NCOA3: variants seen among roughly 807,000 people sequenced by gnomAD.
NCOA3 encodes the protein CBP-interacting protein.
Under a neutral mutation model 158.8 loss-of-function variants are expected in NCOA3, and 51 were observed. That is an observed-to-expected ratio of 0.32 (90% CI 0.26 to 0.41). The LOEUF (loss-of-function observed/expected upper bound fraction) is 0.41. Among genes scored for constraint, NCOA3 ranks in the 10% least tolerant of loss-of-function variants. The pLI is 1.00. For missense variants in NCOA3, 1,510 were observed against 1,746.6 expected (o/e 0.86, Z 2.41); for synonymous variants, 537 against 592.4 (o/e 0.91, Z 1.36).
At position 47,639,206 on chromosome 20, in the gene NCOA3, C is replaced by G. The variant is rs4810648; in HGVS notation, c.2707+4C>G. 25 of 1,604,720 alleles carry G rather than the reference C, an allele frequency of 1.6e-5. No homozygotes were observed. The Middle Eastern group carries it at 6.6e-4, about 42-fold the overall frequency. On this transcript the variant is annotated splice_donor_region_variant and intron_variant, in intron 14 of 22. Coordinates refer to ENST00000371998, the MANE Select transcript of NCOA3 (RefSeq NM_181659.3). Reference sequence around the variant, plus strand: ...GAAAATTATGGCTCAAGTATGGGTACGTTATTTCTAATTAGTATGTATGAT... The same window carrying G: ...GAAAATTATGGCTCAAGTATGGGTAGGTTATTTCTAATTAGTATGTATGAT...
chr20:47,588,065 G>A (rs1168321487), intron 2 of NCOA3, among the ~76,000 whole-genome samples: 1 of 148,262 alleles, frequency 6.7e-6, no homozygotes, highest in African/African-American at 2.5e-5. Flanking sequence ...TTTTACCCAA[G>A]ACCGAGAGTA....
intron 1 of NCOA3, among the ~76,000 whole-genome samples, chr20:47,538,569 C>T (rs1346915380): frequency 6.6e-6 from 1 of 150,894 alleles, no homozygotes; most frequent in Non-Finnish European, 1.5e-5. Flanking sequence ...TTTCTTGAGA[C>T]ACCTGTCACC....
At chr20:47,629,459 A>G (rs1210840459) in intron 8 of NCOA3, among the ~76,000 whole-genome samples, 1 of 151,848 alleles carries the variant, frequency 6.6e-6, no homozygotes, top group Non-Finnish European at 1.5e-5. Flanking sequence ...CCTCCCGAGT[A>G]GCTGAAATTA....
At chr20:47,580,467 A>C (rs1408866753) in intron 1 of NCOA3, among the ~76,000 whole-genome samples, 1 of 151,614 alleles carries the variant, frequency 6.6e-6, no homozygotes, top group Admixed American at 6.6e-5. Context: ...GAGGCAGGAG[A>C]ATCGCTTTAA....
intron 17 of NCOA3, among the ~76,000 whole-genome samples, chr20:47,644,286 C>T (rs1488038182): frequency 2.0e-5 from 3 of 151,864 alleles, no homozygotes; most frequent in Non-Finnish European, 2.9e-5. Flanking sequence ...ACTACAGGTG[C>T]CCGCCACCAC....
chr20:47,636,078 T>G lies in NCOA3; in HGVS notation c.1692T>G (p.Asn564Lys). 6.2e-7 allele frequency: 1 copy of G among 1,614,106 alleles called. No homozygotes were observed. The highest frequency in any genetic ancestry group is 1.3e-5 in the African/African-American group (1 of 75,024). ...MNITQPSKVS[N>K]QDSKSPLGFY... The stretch of plus-strand genomic sequence containing the variant: ...TTACCCAACCAAGTAAAGTAAGCAA[T>G]CAGGATTCCAAGAGTCCTCTGGGCT... The change falls in exon 12 of 23, where the codon AAT becomes AAG. Residue 564 changes from asparagine to lysine, a missense_variant. Asn to Lys is a moderately conservative substitution (Grantham distance 94). This residue lies in a region of NCOA3 where 1,017 missense variants were observed against 1,098.3 expected (regional missense o/e 0.93). Transcript: ENST00000371998.
chr20:47,642,428 G>A, intron 17 of NCOA3, 44 bp downstream of exon 17: 2 of 1,426,878 alleles, frequency 1.4e-6, no homozygotes, highest in Middle Eastern at 2.0e-4. Flanking sequence ...ATATTTGTGT[G>A]TGTGCGCGCG....
chr20:47,598,247 A>C lies in NCOA3; in HGVS notation c.-20+14986A>C, dbSNP rs1255026774. On this transcript the variant is annotated intron_variant, in intron 2 of 22. Transcript: ENST00000371998. ...GGGCGATAGGGCGAGACTCTGTCTC[A>C]AAAAAAAAAAAAAAAAAAAGAACCT... 3.2e-4 allele frequency among the ~76,000 whole-genome samples: 15 copies of C among 47,262 alleles called. No homozygotes were observed. The East Asian group carries it at 6.6e-3, about 21-fold the overall frequency. The allele number at this position is 47,262 out of a possible 152,430, so 31.0% of individuals were successfully genotyped here. A position where few individuals can be genotyped will look rare whatever the true frequency, so the allele number is the denominator to read the frequency against.
At chr20:47,511,410 ATT>A (rs35591258) in intron 1 of NCOA3, among the ~76,000 whole-genome samples, 54 of 86,382 alleles carry the variant, frequency 6.3e-4, no homozygotes, top group South Asian at 2.6e-3. Context: ...ACCATGCCTA[ATT>A]TTTTTTTTTT....
At chr20:47,593,406 G>A (rs1241811314) in intron 2 of NCOA3, among the ~76,000 whole-genome samples, 4 of 135,590 alleles carry the variant, frequency 3.0e-5, no homozygotes, top group African/African-American at 5.7e-5. Context: ...GCAGTGGTGC[G>A]TCGCGGCTCA....
intron 2 of NCOA3, among the ~76,000 whole-genome samples, chr20:47,616,413 G>A (rs1165810514): frequency 3.3e-5 from 5 of 151,690 alleles, no homozygotes; most frequent in African/African-American, 2.4e-5. Context: ...GGCTGGTCTC[G>A]AACTCCTGAC....
At chr20:47,549,849 C>A (rs151153523) in intron 1 of NCOA3, among the ~76,000 whole-genome samples, 2 of 152,016 alleles carry the variant, frequency 1.3e-5, no homozygotes, top group African/African-American at 4.8e-5. Flanking sequence ...TACAGGCGCA[C>A]GCCACCACCA....
chr20:47,639,475 G>A (rs1568747975), intron 14 of NCOA3, 102 bp from the exon 15 acceptor site: 2 of 1,459,140 alleles, frequency 1.4e-6, no homozygotes, highest in Non-Finnish European at 1.9e-6. Context: ...ACAAAGTGCT[G>A]TTTTGTCAAG....
intron 1 of NCOA3, among the ~76,000 whole-genome samples, chr20:47,572,652 T>G (rs2085312623): frequency 6.6e-6 from 1 of 152,076 alleles, no homozygotes; most frequent in African/African-American, 2.4e-5. Flanking sequence ...TTCTCCTGCC[T>G]TAGCCCACCA....
At chr20:47,517,211 G>A (rs1366500718) in intron 1 of NCOA3, among the ~76,000 whole-genome samples, 2 of 152,008 alleles carry the variant, frequency 1.3e-5, no homozygotes, top group African/African-American at 2.4e-5. Flanking sequence ...GCGAGACTCC[G>A]TCTCCTCCCC....
At chr20:47,518,137 A>G (rs575353459) in intron 1 of NCOA3, among the ~76,000 whole-genome samples, 1 of 152,112 alleles carries the variant, frequency 6.6e-6, no homozygotes, top group Admixed American at 6.5e-5. Flanking sequence ...GCTTGAGTCC[A>G]GGAGTTCATT....
chr20:47,640,190 G>C lies in NCOA3; in HGVS notation c.3080+139G>C, dbSNP rs1241157691. The C allele has an allele frequency of 2.8e-6, 3 of 1,076,408 alleles. No homozygotes were observed. The African/African-American group carries it at 4.7e-5, about 17-fold the overall frequency. The allele number at this position is 1,076,408 out of a possible 1,614,324, so 66.7% of individuals were successfully genotyped here. ...CTGGGTTGCCAGCTGGGCATTTCTCGTGTAACTCTGTGTAAAAATGAGGCT... is the reference window on the plus strand; with the variant it reads ...CTGGGTTGCCAGCTGGGCATTTCTCCTGTAACTCTGTGTAAAAATGAGGCT... On this transcript the variant is annotated intron_variant, in intron 16 of 22. Transcript: ENST00000371998.
chr20:47,620,889 G>A (rs9679876), intron 2 of NCOA3, among the ~76,000 whole-genome samples: 1 of 152,072 alleles, frequency 6.6e-6, no homozygotes, highest in African/African-American at 2.4e-5. Flanking sequence ...TTTTCTTATA[G>A]CTTCCTTTAA....
intron 16 of NCOA3, 91 bp downstream of exon 16, chr20:47,640,142 G>T: frequency 6.5e-7 from 1 of 1,543,158 alleles, no homozygotes; most frequent in South Asian, 1.1e-5. Context: ...GAAAGAGAAT[G>T]AGAATTCCCT....
Sources: gnomAD v4.1 joint callset for allele counts (sites outside exome capture counted in the v4.1 genomes callset) on GRCh38, gnomAD v4.1.1 for gene constraint, gnomAD v4.1.1 regional missense constraint, MANE v1.5 for transcripts, NCBI Gene and HGNC (gene_info 2026-07-23, HGNC 2026-07-21) for gene names.